TULP4: variants seen among roughly 807,000 people sequenced by gnomAD.
The protein encoded by TULP4 is tubby-related protein 4.
A neutral mutation model predicts 129.0 loss-of-function variants in TULP4; 16 were observed. The ratio of observed to expected loss-of-function variants is 0.12; its 90% CI spans 0.08 to 0.19. The LOEUF (loss-of-function observed/expected upper bound fraction) is 0.19, where lower values mean the gene tolerates loss of function less well. Among genes scored for constraint, TULP4 ranks in the 10% least tolerant of loss-of-function variants. The pLI, the probability that TULP4 is intolerant of heterozygous loss-of-function variation, is 1.00. For synonymous variants in TULP4, 998 were observed against 854.0 expected (o/e 1.17, Z -2.94); for missense variants, 1,842 against 2,059.1 (o/e 0.89, Z 2.04).
At chr6:158,496,100 G>C (rs1780331571) in intron 11 of TULP4, among the ~76,000 whole-genome samples, 1 of 152,172 alleles carries the variant, frequency 6.6e-6, no homozygotes, top group African/African-American at 2.4e-5. Context: ...GTCCATTCCA[G>C]AGCAACTTCC....
chr6:158,407,609 C>G (rs1209956658), intron 1 of TULP4, among the ~76,000 whole-genome samples: 1 of 151,650 alleles, frequency 6.6e-6, no homozygotes, highest in Admixed American at 6.6e-5. Flanking sequence ...ATGAACAGAT[C>G]AACAAAATGT....
intron 2 of TULP4, among the ~76,000 whole-genome samples, chr6:158,416,467 T>A (rs868116472): frequency 6.7e-6 from 1 of 149,970 alleles, no homozygotes; most frequent in African/African-American, 2.4e-5. Flanking sequence ...AAAAAAAAAA[T>A]TAATAGAAAA....
At chr6:158,425,622 T>G (rs906981385) in intron 2 of TULP4, among the ~76,000 whole-genome samples, 1 of 152,060 alleles carries the variant, frequency 6.6e-6, no homozygotes, top group East Asian at 1.9e-4. Context: ...TTTGTTTTGT[T>G]TTTTTGAGAC....
intron 1 of TULP4, among the ~76,000 whole-genome samples, chr6:158,264,406 T>G (rs958999886): frequency 3.3e-5 from 5 of 152,226 alleles, no homozygotes; most frequent in African/African-American, 1.2e-4. Context: ...AAATCTACTT[T>G]ATTTGCACAT....
At chr6:158,362,889 A>C (rs1780829000) in intron 1 of TULP4, among the ~76,000 whole-genome samples, 1 of 151,750 alleles carries the variant, frequency 6.6e-6, no homozygotes. Context: ...GTGAAACCCC[A>C]TCTCTACTAA....
chr6:158,276,470 ATT>A (rs112372831), intron 1 of TULP4, among the ~76,000 whole-genome samples: 2 of 144,362 alleles, frequency 1.4e-5, no homozygotes, highest in Non-Finnish European at 3.0e-5. Flanking sequence ...CCCCTGGCTA[ATT>A]TTTTTTTTTT....
At chr6:158,269,059 C>T (rs1033847006) in intron 1 of TULP4, among the ~76,000 whole-genome samples, 2 of 152,152 alleles carry the variant, frequency 1.3e-5, no homozygotes, top group African/African-American at 4.8e-5. Flanking sequence ...CAATTTGTGG[C>T]TCTTGTCATT....
At chr6:158,383,724 C>T (rs1269765920) in intron 1 of TULP4, among the ~76,000 whole-genome samples, 1 of 152,178 alleles carries the variant, frequency 6.6e-6, no homozygotes, top group South Asian at 2.1e-4. Flanking sequence ...CCTGGGCCAG[C>T]TTCTCGGGGC....
At chr6:158,264,906 A>G (rs1778421949) in intron 1 of TULP4, among the ~76,000 whole-genome samples, 1 of 152,176 alleles carries the variant, frequency 6.6e-6, no homozygotes, top group South Asian at 2.1e-4. Flanking sequence ...AGGACTGGGG[A>G]TTCTCTGTGC....
At chr6:158,266,087 G>A (rs1778440205) in intron 1 of TULP4, among the ~76,000 whole-genome samples, 1 of 152,154 alleles carries the variant, frequency 6.6e-6, no homozygotes, top group South Asian at 2.1e-4. Flanking sequence ...TAACTCTTAA[G>A]CATAGCATTC....
At chr6:158,309,384 A>G (rs372425032), upstream of TULP4, among the ~76,000 whole-genome samples, 1 of 146,784 alleles carries the variant, frequency 6.8e-6, no homozygotes, top group South Asian at 2.3e-4. Flanking sequence ...GCGGCCGGGC[A>G]GAGACGCTCC....
rs1328812881 is a variant in TULP4, at chr6:158,493,222, C to T, written c.1632-351C>T. Among the ~76,000 whole-genome samples, 2 of 152,156 alleles carry T rather than the reference C, an allele frequency of 1.3e-5. No homozygotes were observed. Among genetic ancestry groups the T allele is most frequent in the East Asian group, 3.9e-4 (2 of 5,184 alleles). On this transcript the variant is annotated intron_variant, in intron 9 of 13. Transcript: ENST00000367097. This position sits in a 1 kb window ranked among gnomAD's most constrained non-coding sequence, Gnocchi z 4.4. ...TGAGATGGGGTCTTGCTCTGTCATC[C>T]AGGCTCAAGTGGAGTTGTGTAATCG...
At chr6:158,262,561 C>T (rs913958277) in intron 1 of TULP4, among the ~76,000 whole-genome samples, 2 of 152,196 alleles carry the variant, frequency 1.3e-5, no homozygotes, top group African/African-American at 4.8e-5. Context: ...CCTGCCCATT[C>T]AGGAGCTTAG....
At chr6:158,295,610 C>T (rs1015361350) in intron 1 of TULP4, among the ~76,000 whole-genome samples, 1 of 152,076 alleles carries the variant, frequency 6.6e-6, no homozygotes, top group African/African-American at 2.4e-5. Context: ...CCAGCATTGG[C>T]CAGGCATGGT....
chr6:158,449,435 T>C (rs1399058969), intron 4 of TULP4, among the ~76,000 whole-genome samples: 3 of 152,138 alleles, frequency 2.0e-5, no homozygotes, highest in African/African-American at 7.2e-5. Flanking sequence ...TTCCTAGATA[T>C]AAAGTGAGAC....
chr6:158,359,930 A>T (rs1293433982), intron 1 of TULP4, among the ~76,000 whole-genome samples: 1 of 152,134 alleles, frequency 6.6e-6, no homozygotes, highest in Non-Finnish European at 1.5e-5. Context: ...GCTCTTGCCC[A>T]TTCACTTATT....
intron 1 of TULP4, among the ~76,000 whole-genome samples, chr6:158,293,492 A>G (rs1778978837): frequency 6.6e-6 from 1 of 152,246 alleles, no homozygotes; most frequent in Non-Finnish European, 1.5e-5. Context: ...GCCTCTGTTT[A>G]TGAGTATATG....
At chr6:158,244,629 C>T (rs1293498007) in intron 1 of TULP4, among the ~76,000 whole-genome samples, 4 of 152,054 alleles carry the variant, frequency 2.6e-5, no homozygotes, top group African/African-American at 7.2e-5. Flanking sequence ...GGAAAAAAAG[C>T]CTGAGAATGA....
At chr6:158,411,826 A>G (rs559275992) in intron 1 of TULP4, among the ~76,000 whole-genome samples, 2 of 152,290 alleles carry the variant, frequency 1.3e-5, no homozygotes, top group South Asian at 4.1e-4. Context: ...CAGAAATTGT[A>G]CTTTGGACAG....
Sources: allele counts gnomAD v4.1 joint callset (sites outside exome capture counted in the v4.1 genomes callset), GRCh38; gene constraint gnomAD v4.1.1; non-coding constraint Gnocchi (gnomAD v3.1); transcripts MANE v1.5; gene names NCBI Gene and HGNC (gene_info 2026-07-23, HGNC 2026-07-21).